TRIR: variants seen among roughly 807,000 people sequenced by gnomAD.
TRIR encodes telomerase RNA component-interacting RNase.
Under a neutral mutation model 18.2 loss-of-function variants are expected in TRIR, and 5 were observed. The ratio of observed to expected loss-of-function variants is 0.27; its 90% confidence interval spans 0.14 to 0.58. The LOEUF (loss-of-function observed/expected upper bound fraction) is 0.58, where lower values mean the gene tolerates loss of function less well. TRIR is among the 20% of genes least tolerant of loss of function. TRIR has a pLI of 0.91. For synonymous variants in TRIR, 134 were observed against 114.4 expected (o/e 1.17, Z -1.10); for missense variants, 206 against 252.8 (o/e 0.81, Z 1.25).
At position 12,734,457 on chromosome 19, in the gene TRIR, C is replaced by G. The variant is rs1156683769; in HGVS notation, c.201G>C (p.Glu67Asp). The G allele has an allele frequency of 6.5e-7, 1 of 1,535,956 alleles. No individual in the cohort carries two copies. The highest frequency in any genetic ancestry group is 8.7e-7 in the Non-Finnish European group (1 of 1,142,902). Residue 67 changes from glutamate to aspartate, a missense_variant, in exon 1 of 3, where the codon GAG (glutamate) becomes GAC (aspartate). Transcript: ENST00000242784. The surrounding 1 kb of genome is among the most constrained non-coding windows in gnomAD (Gnocchi z 4.1). ...CCTCCTCCATCTTCCGCTTGAACAG[C>G]TCCAGGAAGCTGCCGTCGTTGGCGA... ...NLFANDGSFL[E>D]LFKRKMEEEQ...
In TRIR at chr19:12,731,534, G is replaced by A. The variant is rs777994590; in HGVS notation, c.346-113C>T. The A allele has an allele frequency of 1.6e-5, 18 of 1,121,624 alleles. No individual in the cohort carries two copies. Among genetic ancestry groups the A allele is most frequent in the East Asian group, 2.5e-5 (1 of 40,594 alleles). The allele number at this position is 1,121,624 out of a possible 1,614,324, so 69.5% of individuals were successfully genotyped here. A position where few individuals can be genotyped will look rare whatever the true frequency, so the allele number is the denominator to read the frequency against. On this transcript the variant is annotated intron_variant, in intron 1 of 2. Transcript: ENST00000242784. The surrounding 1 kb of genome is among the most constrained non-coding windows in gnomAD (Gnocchi z 5.1). ...GCCTGGTGGCCCGTCCTGACGCCGC[G>A]CCCAGCTCCGCCAGCCGGCCGACCT...
chr19:12,731,317 T>G lies in TRIR; in HGVS notation c.423+27A>C. ...AGCTGGAAGGGAAAGGCAATGTGGG[T>G]GGACCCCCTGCACCAAGCTGGCTCA... is the stretch of plus-strand genomic sequence containing the variant. On this transcript the variant is annotated intron_variant, in intron 2 of 2. Coordinates refer to ENST00000242784, the MANE Select transcript of TRIR (RefSeq NM_024038.4). The surrounding 1 kb of genome is among the most constrained non-coding windows in gnomAD (Gnocchi z 5.1). 2 of 1,610,914 alleles carry G rather than the reference T, an allele frequency of 1.2e-6. No individual in the cohort carries two copies. Among genetic ancestry groups the G allele is most frequent in the Non-Finnish European group, 1.7e-6 (2 of 1,178,292 alleles).
At position 12,731,532 on chromosome 19, in the gene TRIR, G is replaced by A. The variant is rs770244119; in HGVS notation, c.346-111C>T. The A allele has an allele frequency of 5.0e-5, 60 of 1,188,882 alleles. No individual in the cohort carries two copies. Among genetic ancestry groups the A allele is most frequent in the African/African-American group, 6.2e-5 (4 of 64,840 alleles). The allele number at this position is 1,188,882 out of a possible 1,614,324, so 73.6% of individuals were successfully genotyped here. On this transcript the variant is annotated intron_variant, in intron 1 of 2. Coordinates refer to ENST00000242784, the MANE Select transcript of TRIR (RefSeq NM_024038.4). The surrounding 1 kb of genome is among the most constrained non-coding windows in gnomAD (Gnocchi z 5.1). The stretch of plus-strand genomic sequence containing the variant: ...CGGCCTGGTGGCCCGTCCTGACGCC[G>A]CGCCCAGCTCCGCCAGCCGGCCGAC...
At position 12,731,263 on chromosome 19, in the gene TRIR, A is replaced by T; in HGVS notation, c.423+81T>A. Reference sequence around the variant, plus strand: ...CACACTCATAAAAGGCCTGGATACCAGACAGGGAGGGAGAAGGCTGGGCGC... The same window carrying T: ...CACACTCATAAAAGGCCTGGATACCTGACAGGGAGGGAGAAGGCTGGGCGC... On this transcript the variant is annotated intron_variant, in intron 2 of 2. Coordinates refer to ENST00000242784, the MANE Select transcript of TRIR (RefSeq NM_024038.4). This position sits in a 1 kb window ranked among gnomAD's most constrained non-coding sequence, Gnocchi z 5.1. 6.5e-7 allele frequency: 1 copy of T among 1,531,578 alleles called. No homozygotes were observed. Among genetic ancestry groups the T allele is most frequent in the Non-Finnish European group, 9.0e-7 (1 of 1,108,360 alleles). The allele number at this position is 1,531,578 out of a possible 1,614,324, so 94.9% of individuals were successfully genotyped here.
rs771219407 is a variant in TRIR at position 12,731,550 on chromosome 19, C to T, written c.346-129G>A. The T allele has an allele frequency of 2.0e-5, 19 of 970,382 alleles. No individual in the cohort carries two copies. The highest frequency in any genetic ancestry group is 3.3e-5 in the African/African-American group (2 of 60,916). 60.1% of individuals were successfully genotyped at this position (970,382 alleles called of 1,614,324 possible). ...TGACGCCGCGCCCAGCTCCGCCAGC[C>T]GGCCGACCTGCGCAGCAATCAGAGA... On this transcript the variant is annotated intron_variant, in intron 1 of 2. Coordinates refer to ENST00000242784, the MANE Select transcript of TRIR (RefSeq NM_024038.4). The surrounding 1 kb of genome is among the most constrained non-coding windows in gnomAD (Gnocchi z 5.1).
chr19:12,733,925 T>C (rs776584979), intron 1 of TRIR, among the ~76,000 whole-genome samples: 5 of 152,342 alleles, frequency 3.3e-5, no homozygotes, highest in East Asian at 1.9e-4. Flanking sequence ...TGTCCTTACA[T>C]AGTACGTGGT....
Position 12,731,577 on chromosome 19 carries a change from G to C in TRIR, c.346-156C>G. ...GCCGACCTGCGCAGCAATCAGAGAG[G>C]AGCACACGCGACTCAGCGCCTGCCC... is the stretch of plus-strand genomic sequence containing the variant. On this transcript the variant is annotated intron_variant, in intron 1 of 2. Transcript: ENST00000242784. The surrounding 1 kb of genome is among the most constrained non-coding windows in gnomAD (Gnocchi z 5.1). The C allele has an allele frequency of 1.4e-6, 1 of 740,002 alleles. No individual in the cohort carries two copies. Among genetic ancestry groups the C allele is most frequent in the Non-Finnish European group, 2.2e-6 (1 of 462,228 alleles). 45.8% of individuals were successfully genotyped at this position (740,002 alleles called of 1,614,324 possible).
chr19:12,731,576 G>A lies in TRIR; in HGVS notation c.346-155C>T. 2.6e-6 allele frequency: 2 copies of A among 757,468 alleles called. No individual in the cohort carries two copies. The highest frequency in any genetic ancestry group is 4.2e-6 in the Non-Finnish European group (2 of 477,012). The allele number at this position is 757,468 out of a possible 1,614,324, so 46.9% of individuals were successfully genotyped here. A position where few individuals can be genotyped will look rare whatever the true frequency, so the allele number is the denominator to read the frequency against. ...GGCCGACCTGCGCAGCAATCAGAGA[G>A]GAGCACACGCGACTCAGCGCCTGCC... On this transcript the variant is annotated intron_variant, in intron 1 of 2. Coordinates refer to ENST00000242784, the MANE Select transcript of TRIR (RefSeq NM_024038.4). This position sits in a 1 kb window ranked among gnomAD's most constrained non-coding sequence, Gnocchi z 5.1.
In TRIR at chr19:12,730,945, A is replaced by G. The variant is rs1017924636; in HGVS notation, c.*16T>C. 6.2e-7 allele frequency: 1 copy of G among 1,603,556 alleles called. No individual in the cohort carries two copies. Among genetic ancestry groups the G allele is most frequent in the Non-Finnish European group, 8.5e-7 (1 of 1,170,596 alleles). On this transcript the variant is annotated 3_prime_UTR_variant, in exon 3 of 3. Transcript: ENST00000242784. ...TCGCAGAGAGTCCCAGGCCATGGGCAGGTGGGGGAGGGGCGTCATTTCACC... is the reference window on the plus strand; with the variant it reads ...TCGCAGAGAGTCCCAGGCCATGGGCGGGTGGGGGAGGGGCGTCATTTCACC...
Position 12,730,724 on chromosome 19 carries a change from CAG to C in TRIR, c.*235_*236del, listed in dbSNP as rs1240790750. On this transcript the variant is annotated 3_prime_UTR_variant, in exon 3 of 3. Coordinates refer to ENST00000242784, the MANE Select transcript of TRIR (RefSeq NM_024038.4). ...GTGAGAAGAGGAAGACAGAAAGAGC[CAG>C]AGAGAATGAGGAGGTGAGAAGGGGG... The C allele has an allele frequency of 1.2e-5, 7 of 571,596 alleles. No homozygotes were observed. The highest frequency in any genetic ancestry group is 2.2e-5 in the Non-Finnish European group (7 of 319,990). The allele number at this position is 571,596 out of a possible 1,614,324, so 35.4% of individuals were successfully genotyped here.
Position 12,731,489 on chromosome 19 carries a change from C to A in TRIR, c.346-68G>T. The A allele has an allele frequency of 6.6e-7, 1 of 1,506,740 alleles. No homozygotes were observed. 93.3% of individuals were successfully genotyped at this position (1,506,740 alleles called of 1,614,324 possible). A position where few individuals can be genotyped will look rare whatever the true frequency, so the allele number is the denominator to read the frequency against. Reference sequence around the variant, plus strand: ...GACCGCCCTTGGCGGCGCTGAGGCCCACTACACCTTCCTAGCCCGGCCTGG... The same window carrying A: ...GACCGCCCTTGGCGGCGCTGAGGCCAACTACACCTTCCTAGCCCGGCCTGG... On this transcript the variant is annotated intron_variant, in intron 1 of 2. Transcript: ENST00000242784. This position sits in a 1 kb window ranked among gnomAD's most constrained non-coding sequence, Gnocchi z 5.1.
rs1234094635 is a variant in TRIR at position 12,734,398 on chromosome 19, C to G, written c.260G>C (p.Gly87Ala). 2.6e-6 allele frequency: 4 copies of G among 1,514,798 alleles called. No individual in the cohort carries two copies. Among genetic ancestry groups the G allele is most frequent in the Non-Finnish European group, 3.5e-6 (4 of 1,132,900 alleles). The allele number at this position is 1,514,798 out of a possible 1,614,324, so 93.8% of individuals were successfully genotyped here. Residue 87 changes from glycine (G) to alanine (A), a missense_variant, in exon 1 of 3, where the codon GGT becomes GCT. Transcript: ENST00000242784. The surrounding 1 kb of genome is among the most constrained non-coding windows in gnomAD (Gnocchi z 4.1). Reference protein sequence around the residue: ...QRQRQEEPPPGPQRPDQSAAA... With the variant: ...QRQRQEEPPPAPQRPDQSAAA... ...GGCCGACTGGTCGGGTCGCTGCGGACCCGGGGGCGGCTCCTCCTGCCGCTG... is the reference window on the plus strand; with the variant it reads ...GGCCGACTGGTCGGGTCGCTGCGGAGCCGGGGGCGGCTCCTCCTGCCGCTG...
rs1296755572 is a variant in TRIR, at chr19:12,731,078, G to C, written c.424-10C>G. 1 of 1,609,310 alleles carries C rather than the reference G, an allele frequency of 6.2e-7. No homozygotes were observed. The highest frequency in any genetic ancestry group is 2.2e-5 in the East Asian group (1 of 44,848). ...CTTTACTTGTTAATACCTGTGGAAAGGGGATACGGGTTAGGACGGGGGTGC... is the reference window on the plus strand; with the variant it reads ...CTTTACTTGTTAATACCTGTGGAAACGGGATACGGGTTAGGACGGGGGTGC... On this transcript the variant is annotated splice_polypyrimidine_tract_variant and intron_variant, in intron 2 of 2. Transcript: ENST00000242784. This position sits in a 1 kb window ranked among gnomAD's most constrained non-coding sequence, Gnocchi z 5.1.
chr19:12,731,053 C>T lies in TRIR; in HGVS notation c.439G>A (p.Gly147Ser). 1 of 1,613,960 alleles carries T rather than the reference C, an allele frequency of 6.2e-7. No homozygotes were observed. Among genetic ancestry groups the T allele is most frequent in the Non-Finnish European group, 8.5e-7 (1 of 1,179,910 alleles). ...GCCATGTACTTGGCCCACGCGTCACCTTTACTTGTTAATACCTGTGGAAAG... is the reference window on the plus strand; with the variant it reads ...GCCATGTACTTGGCCCACGCGTCACTTTTACTTGTTAATACCTGTGGAAAG... ...KTEDEVLTSK[G>S]DAWAKYMAEV... The change falls in exon 3 of 3, where the codon GGT becomes AGT. Residue 147 changes from glycine (G) to serine (S), a missense_variant. Physicochemically the swap from Gly to Ser is moderately conservative, Grantham distance 56. This residue lies in a region of TRIR where 34 missense variants were observed against 87.8 expected (regional missense o/e 0.39). Transcript: ENST00000242784. This position sits in a 1 kb window ranked among gnomAD's most constrained non-coding sequence, Gnocchi z 5.1.
In TRIR at chr19:12,731,447, A is replaced by G; in HGVS notation, c.346-26T>C. The G allele has an allele frequency of 6.2e-7, 1 of 1,605,938 alleles. No individual in the cohort carries two copies. Among genetic ancestry groups the G allele is most frequent in the Non-Finnish European group, 8.5e-7 (1 of 1,175,224 alleles). ...CTGGGTGAAGGGACAGAAGACTGCA[A>G]CGGTTACAGGAGCCGGGACCGCCCT... On this transcript the variant is annotated intron_variant, in intron 1 of 2. Transcript: ENST00000242784. This position sits in a 1 kb window ranked among gnomAD's most constrained non-coding sequence, Gnocchi z 5.1.
chr19:12,731,202 C>T lies in TRIR; in HGVS notation c.424-134G>A. 2 of 1,265,098 alleles carry T rather than the reference C, an allele frequency of 1.6e-6. No individual in the cohort carries two copies. The highest frequency in any genetic ancestry group is 2.3e-6 in the Non-Finnish European group (2 of 870,318). 78.4% of individuals were successfully genotyped at this position (1,265,098 alleles called of 1,614,324 possible). Reference sequence around the variant, plus strand: ...GCTGAAGATTATAAAGTCAAGTTATCTGGGGACCCATTGACAGCCCTCCTA... The same window carrying T: ...GCTGAAGATTATAAAGTCAAGTTATTTGGGGACCCATTGACAGCCCTCCTA... On this transcript the variant is annotated intron_variant, in intron 2 of 2. Coordinates refer to ENST00000242784, the MANE Select transcript of TRIR (RefSeq NM_024038.4). The surrounding 1 kb of genome is among the most constrained non-coding windows in gnomAD (Gnocchi z 5.1).
chr19:12,730,674 G>T lies in TRIR; in HGVS notation c.*287C>A. 2.0e-6 allele frequency: 1 copy of T among 499,876 alleles called. No homozygotes were observed. 31.0% of individuals were successfully genotyped at this position (499,876 alleles called of 1,614,324 possible). A position where few individuals can be genotyped will look rare whatever the true frequency, so the allele number is the denominator to read the frequency against. ...AAGTCAAGTTCTTTACTTCCCAGAAGTGATGGCTAAGGGGAGGGAGGAGGG... is the reference window on the plus strand; with the variant it reads ...AAGTCAAGTTCTTTACTTCCCAGAATTGATGGCTAAGGGGAGGGAGGAGGG... On this transcript the variant is annotated 3_prime_UTR_variant, in exon 3 of 3. Coordinates refer to ENST00000242784, the MANE Select transcript of TRIR (RefSeq NM_024038.4).
chr19:12,732,142 AAG>A (rs1491526106), intron 1 of TRIR, among the ~76,000 whole-genome samples: 2 of 149,916 alleles, frequency 1.3e-5, no homozygotes, highest in Admixed American at 6.7e-5. Context: ...AAAAAAAAAA[AAG>A]AAAAGAAAAA....
rs1967491461 is a variant in TRIR, at chr19:12,734,332, G to A, written c.326C>T (p.Pro109Leu). Residue 109 changes from proline to leucine, a missense_variant, in exon 1 of 3, where the codon CCG becomes CTG. By Grantham distance (98) the Pro-to-Leu change is moderately conservative. Around this residue, in one of 2 missense-constraint regions of TRIR, gnomAD observed 172 missense variants for 165.0 expected, o/e 1.04. Transcript: ENST00000242784. The surrounding 1 kb of genome is among the most constrained non-coding windows in gnomAD (Gnocchi z 4.1). ...GPGDPKRKGGPGSTLSFVGKR... is the reference protein window; with the variant it reads ...GPGDPKRKGGLGSTLSFVGKR... ...CCTTACGAAGCTAAGTGTGGAGCCC[G>A]GACCGCCCTTCCTCTTCGGATCCCC... The A allele has an allele frequency of 2.1e-6, 3 of 1,436,406 alleles. No individual in the cohort carries two copies. Among genetic ancestry groups the A allele is most frequent in the East Asian group, 2.9e-5 (1 of 34,244 alleles). 89.0% of individuals were successfully genotyped at this position (1,436,406 alleles called of 1,614,324 possible).
Sources: allele counts gnomAD v4.1 joint callset (sites outside exome capture counted in the v4.1 genomes callset), GRCh38; gene constraint gnomAD v4.1.1; regional missense constraint gnomAD v4.1.1; non-coding constraint Gnocchi (gnomAD v3.1); transcripts MANE v1.5; gene names NCBI Gene and HGNC (gene_info 2026-07-23, HGNC 2026-07-21).